The following NRXN3 variants were observed in gnomAD, a reference collection of about 807,000 sequenced individuals.
NRXN3 encodes neurexin III.
NRXN3 carries 32 observed loss-of-function variants against 137.6 expected under a neutral mutation model. The observed-to-expected ratio is 0.23, with a 90% CI of 0.18 to 0.31. The LOEUF (loss-of-function observed/expected upper bound fraction) is 0.31. Among genes scored for constraint, NRXN3 ranks in the 10% least tolerant of loss-of-function variants. The pLI is 1.00. For synonymous variants in NRXN3, 798 were observed against 784.5 expected, an observed-to-expected ratio of 1.02 and a Z score of -0.29; for missense variants, 1,574 against 2,062.5, an observed-to-expected ratio of 0.76 and a Z score of 4.59.
At chr14:79,478,081 C>T (rs2096575693) in intron 16 of NRXN3, among the ~76,000 whole-genome samples, 1 of 151,664 alleles carries the variant, frequency 6.6e-6, no homozygotes. Flanking sequence ...GAATTCACAG[C>T]TTGGCAGTGA....
rs555291681 is a variant in NRXN3 at position 79,691,212 on chromosome 14, G to C, written c.3617-961G>C. On this transcript the variant is annotated intron_variant, in intron 17 of 20. Transcript: ENST00000335750. ...ATAACAGTTACGAAGGAAGAGGGGG[G>C]GCATACTGGCAGTTAAAACCACTAT... is the stretch of plus-strand genomic sequence containing the variant. Among the ~76,000 whole-genome samples, 3 of 152,058 alleles carry C rather than the reference G, an allele frequency of 2.0e-5. No individual in the cohort carries two copies. In the South Asian group the frequency reaches 6.2e-4, roughly 32 times the overall value.
intron 1 of NRXN3, among the ~76,000 whole-genome samples, chr14:78,226,299 G>A (rs564230981): frequency 3.9e-5 from 6 of 152,240 alleles, no homozygotes; most frequent in Admixed American, 3.9e-4. Context: ...CACCGGGTCC[G>A]GCCCAAGTAG....
intron 15 of NRXN3, among the ~76,000 whole-genome samples, chr14:79,265,524 C>T (rs903464574): frequency 1.1e-4 from 17 of 152,012 alleles, no homozygotes; most frequent in Non-Finnish European, 1.9e-4. Context: ...AGCCTCACCA[C>T]GATTCTATGG....
chr14:79,219,148 G>T (rs1005955726), intron 15 of NRXN3, among the ~76,000 whole-genome samples: 1 of 152,056 alleles, frequency 6.6e-6, no homozygotes, highest in African/African-American at 2.4e-5. Context: ...TAGAGATAGG[G>T]TCTCACTCTG....
intron 1 of NRXN3, among the ~76,000 whole-genome samples, chr14:78,215,777 G>T (rs2063207153): frequency 7.3e-6 from 1 of 136,304 alleles, no homozygotes; most frequent in African/African-American, 2.7e-5. Context: ...GGGGTGGGGG[G>T]GGCAGGGGTT....
intron 10 of NRXN3, among the ~76,000 whole-genome samples, chr14:78,912,329 C>T (rs1453334895): frequency 6.6e-6 from 1 of 150,448 alleles, no homozygotes; most frequent in African/African-American, 2.4e-5. Flanking sequence ...TTTAAAGCTT[C>T]CTGGTGGCTA....
chr14:79,846,486 T>A (rs1207865660), intron 20 of NRXN3, among the ~76,000 whole-genome samples: 1 of 152,108 alleles, frequency 6.6e-6, no homozygotes, highest in African/African-American at 2.4e-5. Context: ...GCATGCCCAA[T>A]CTACAGCAAA....
chr14:78,691,311 A>G (rs551251150), intron 6 of NRXN3, among the ~76,000 whole-genome samples: 15 of 152,320 alleles, frequency 9.8e-5, no homozygotes, highest in Middle Eastern at 6.8e-3. Flanking sequence ...CAAGGTTGTA[A>G]AAATTCTCTC....
rs1452698189 is a variant in NRXN3, at chr14:78,541,145, T to G, written c.758-103975T>G. Among the ~76,000 whole-genome samples the G allele has an allele frequency of 3.3e-5, 5 of 152,192 alleles. No individual in the cohort carries two copies. The East Asian group carries it at 9.7e-4, about 29-fold the overall frequency. On this transcript the variant is annotated intron_variant, in intron 4 of 20. Transcript: ENST00000335750. ...TCTTTGTGATGTTGTCTATATTTCC[T>G]GAATTTGAATGTTGGCCTGCCTTGC...
chr14:78,402,715 G>C (rs1222147140), intron 4 of NRXN3, among the ~76,000 whole-genome samples: 1 of 152,118 alleles, frequency 6.6e-6, no homozygotes, highest in Non-Finnish European at 1.5e-5. Flanking sequence ...ATGTGACTTT[G>C]GACAGGTTAC....
At chr14:79,453,738 C>G (rs2096213823) in intron 15 of NRXN3, among the ~76,000 whole-genome samples, 1 of 152,178 alleles carries the variant, frequency 6.6e-6, no homozygotes, top group African/African-American at 2.4e-5. Flanking sequence ...CCTTTTCTAT[C>G]TACTATTTTA....
At chr14:79,752,256 T>A (rs1389048162) in intron 19 of NRXN3, among the ~76,000 whole-genome samples, 2 of 152,164 alleles carry the variant, frequency 1.3e-5, no homozygotes, top group Non-Finnish European at 2.9e-5. Flanking sequence ...CAGATCCTGT[T>A]ATTGGTCTAT....
At chr14:78,887,395 A>T (rs896406596) in intron 10 of NRXN3, among the ~76,000 whole-genome samples, 4 of 151,792 alleles carry the variant, frequency 2.6e-5, no homozygotes, top group African/African-American at 9.7e-5. Flanking sequence ...GGAAAGAGGG[A>T]TGTATACAGA....
At chr14:78,659,140 G>A (rs1602015647) in intron 6 of NRXN3, among the ~76,000 whole-genome samples, 1 of 152,210 alleles carries the variant, frequency 6.6e-6, no homozygotes, top group African/African-American at 2.4e-5. Context: ...GTTATAAGAA[G>A]GAGTGATAAG....
At position 78,879,858 on chromosome 14, in the gene NRXN3, A is replaced by AC. The variant is rs545773908; in HGVS notation, c.2275+69521dup. On this transcript the variant is annotated intron_variant, in intron 10 of 20. Transcript: ENST00000335750. Reference sequence around the variant, plus strand: ...AGTAGGTTAAGGGATTCATGGAGGGACCCCCCCTGCCCCCCAAATTGATTT... The same window carrying AC: ...AGTAGGTTAAGGGATTCATGGAGGGACCCCCCCCTGCCCCCCAAATTGATTT... Among the ~76,000 whole-genome samples the AC allele has an allele frequency of 1.3e-3, 199 of 151,442 alleles. 2 individuals are homozygous for AC. Among genetic ancestry groups the AC allele is most frequent in the African/African-American group, 4.0e-3 (165 of 41,216 alleles).
intron 19 of NRXN3, among the ~76,000 whole-genome samples, chr14:79,738,315 C>CCACACACACACACACACACACACACA (rs10539564): frequency 2.9e-5 from 4 of 137,968 alleles, no homozygotes; most frequent in African/African-American, 1.1e-4. Context: ...ATTTCCCCCG[C>CCACACACACACACACACACACACACA]CACACACACA....
At chr14:79,297,004 T>C (rs577421964) in intron 15 of NRXN3, among the ~76,000 whole-genome samples, 5 of 152,314 alleles carry the variant, frequency 3.3e-5, no homozygotes, top group African/African-American at 1.2e-4. Flanking sequence ...ACCATTCATA[T>C]TCACCACTAC....
chr14:78,313,586 G>A (rs546725936), intron 4 of NRXN3, among the ~76,000 whole-genome samples: 3 of 152,128 alleles, frequency 2.0e-5, no homozygotes, highest in East Asian at 3.9e-4. Flanking sequence ...GAGGCCCAAG[G>A]TTACAAAGCT....
intron 10 of NRXN3, among the ~76,000 whole-genome samples, chr14:78,953,569 A>G (rs1441283378): frequency 1.3e-5 from 2 of 152,218 alleles, no homozygotes; most frequent in Non-Finnish European, 2.9e-5. Context: ...TCTCTGTTCT[A>G]CAATAGTAAA....
Sources: gnomAD v4.1 joint callset for allele counts (sites outside exome capture counted in the v4.1 genomes callset) on GRCh38, gnomAD v4.1.1 for gene constraint, MANE v1.5 for transcripts, NCBI Gene and HGNC (gene_info 2026-07-23, HGNC 2026-07-21) for gene names.